SLC17A5: variants seen among roughly 807,000 people sequenced by gnomAD.
SLC17A5 encodes sialin.
SLC17A5 carries 47 observed loss-of-function variants against 59.4 expected under a neutral mutation model. That is an observed-to-expected ratio of 0.79 (90% CI 0.63 to 1.01). The LOEUF (loss-of-function observed/expected upper bound fraction) is 1.01, where lower values mean the gene tolerates loss of function less well. Among genes scored for constraint, SLC17A5 ranks in the 50% least tolerant of loss-of-function variants. The pLI is 0.00. For synonymous variants in SLC17A5, 202 were observed against 210.7 expected, an observed-to-expected ratio of 0.96 and a Z score of 0.36; for missense variants, 522 against 595.5, an observed-to-expected ratio of 0.88 and a Z score of 1.28.
At chr6:73,646,719 G>A (rs1290437814) in intron 1 of SLC17A5, among the ~76,000 whole-genome samples, 1 of 151,722 alleles carries the variant, frequency 6.6e-6, no homozygotes, top group Non-Finnish European at 1.5e-5. Flanking sequence ...TGTTGCCCAA[G>A]CTGGAGTACA....
intron 6 of SLC17A5, among the ~76,000 whole-genome samples, chr6:73,623,163 C>T (rs1458397283): frequency 4.0e-5 from 6 of 151,786 alleles, no homozygotes; most frequent in African/African-American, 9.7e-5. Context: ...CTCAGCCTCA[C>T]GAGTAGCTGG....
At position 73,594,885 on chromosome 6, in the gene SLC17A5, A is replaced by T. The variant is rs1766724274; in HGVS notation, c.*192T>A. The T allele has an allele frequency of 3.2e-6, 2 of 634,684 alleles. No homozygotes were observed. The highest frequency in any genetic ancestry group is 2.7e-6 in the Non-Finnish European group (1 of 370,782). The allele number at this position is 634,684 out of a possible 1,614,324, so 39.3% of individuals were successfully genotyped here. ...CTAAAGTAGAAGTCCTAGCTTACAT[A>T]TTATTCATAATTAAACACAGTTCAT... On this transcript the variant is annotated 3_prime_UTR_variant, in exon 11 of 11. Coordinates refer to ENST00000355773, the MANE Select transcript of SLC17A5 (RefSeq NM_012434.5).
At chr6:73,611,933 A>C (rs1254145739) in intron 8 of SLC17A5, among the ~76,000 whole-genome samples, 1 of 152,108 alleles carries the variant, frequency 6.6e-6, no homozygotes, top group Non-Finnish European at 1.5e-5. Context: ...CCCAGGCTCA[A>C]GTGATCCTCT....
chr6:73,620,289 C>T lies in SLC17A5; in HGVS notation c.978+1515G>A, dbSNP rs1440262096. Among the ~76,000 whole-genome samples, 4 of 152,094 alleles carry T rather than the reference C, an allele frequency of 2.6e-5. No homozygotes were observed. In the East Asian group the frequency reaches 7.7e-4, roughly 29 times the overall value. ...CCCAAATGATAATTACCAAATTAAC[C>T]TTTCAATGCACAGTTGAATGCAATT... On this transcript the variant is annotated intron_variant, in intron 7 of 10. Coordinates refer to ENST00000355773, the MANE Select transcript of SLC17A5 (RefSeq NM_012434.5).
intron 1 of SLC17A5, 138 bp from the exon 2 acceptor site, chr6:73,644,741 T>C (rs918824962): frequency 1.5e-5 from 11 of 744,008 alleles, no homozygotes; most frequent in Non-Finnish European, 2.2e-5. Context: ...CAAAGTGCTG[T>C]GATTATAGGC....
At chr6:73,602,442 A>C (rs1294546437) in intron 9 of SLC17A5, among the ~76,000 whole-genome samples, 2 of 133,276 alleles carry the variant, frequency 1.5e-5, no homozygotes, top group East Asian at 4.0e-4. Flanking sequence ...CAATAAAAAA[A>C]ATAAAAATTA....
chr6:73,613,003 T>C (rs1160634207), intron 8 of SLC17A5, among the ~76,000 whole-genome samples: 3 of 151,554 alleles, frequency 2.0e-5, no homozygotes, highest in Admixed American at 1.3e-4. Flanking sequence ...CAGTGAGCCA[T>C]GGTTGTCCAT....
At position 73,638,478 on chromosome 6, in the gene SLC17A5, G is replaced by T. The variant is rs1769128211; in HGVS notation, c.547C>A (p.His183Asn). The change falls in exon 4 of 11, where the codon CAT (histidine) becomes AAT (asparagine). Residue 183 changes from histidine to asparagine, a missense_variant. Physicochemically the swap from His to Asn is moderately conservative, Grantham distance 68. Transcript: ENST00000355773. ...LGEGVTFPAM[H>N]AMWSSWAPPL... ...GGAGCCCAAGAAGACCACATGGCATGCATGGCTGGAAATGTAACACCCTGA... is the reference window on the plus strand; with the variant it reads ...GGAGCCCAAGAAGACCACATGGCATTCATGGCTGGAAATGTAACACCCTGA... The T allele has an allele frequency of 6.2e-7, 1 of 1,613,712 alleles. No individual in the cohort carries two copies.
At chr6:73,640,409 A>C (rs1769225085) in intron 3 of SLC17A5, among the ~76,000 whole-genome samples, 1 of 152,244 alleles carries the variant, frequency 6.6e-6, no homozygotes, top group Admixed American at 6.5e-5. Context: ...ATCACATATG[A>C]ATTTTATATC....
chr6:73,643,756 C>T (rs1769410296), intron 2 of SLC17A5, among the ~76,000 whole-genome samples: 1 of 152,204 alleles, frequency 6.6e-6, no homozygotes, highest in Non-Finnish European at 1.5e-5. Flanking sequence ...GGATTACAGG[C>T]ATGAGTCACT....
intron 1 of SLC17A5, chr6:73,653,183 G>A (rs1204876986): frequency 1.0e-5 from 10 of 985,210 alleles, no homozygotes; most frequent in Non-Finnish European, 1.2e-5. Context: ...ATATCAGCTG[G>A]GTTATACAAT....
intron 3 of SLC17A5, 64 bp from the exon 4 acceptor site, chr6:73,638,563 A>G: frequency 7.9e-7 from 1 of 1,262,932 alleles, no homozygotes; most frequent in Non-Finnish European, 1.2e-6. Flanking sequence ...GCTTTAAAGT[A>G]AGTTAAGTAT....
rs75382775 is a variant in SLC17A5, at chr6:73,631,288, C to A, written c.819+4094G>T. ...AAAAGAAGAAGAAAAAGAAAAAAAA[C>A]CACTCCACAGTCATGTCTGAGCACA... On this transcript the variant is annotated intron_variant, in intron 6 of 10. Coordinates refer to ENST00000355773, the MANE Select transcript of SLC17A5 (RefSeq NM_012434.5). Among the ~76,000 whole-genome samples, 238 of 151,570 alleles carry A rather than the reference C, an allele frequency of 1.6e-3. 6 individuals carry two copies. Among genetic ancestry groups the A allele is most frequent in the African/African-American group, 5.5e-3 (226 of 41,030 alleles).
At chr6:73,651,703 C>T (rs1445839608) in intron 1 of SLC17A5, among the ~76,000 whole-genome samples, 2 of 151,508 alleles carry the variant, frequency 1.3e-5, no homozygotes, top group Non-Finnish European at 2.9e-5. Context: ...CCACCACACC[C>T]GGCTAATTTT....
chr6:73,600,599 C>T (rs1280164469), intron 9 of SLC17A5, among the ~76,000 whole-genome samples, 158 bp from the exon 10 acceptor site: 7 of 151,416 alleles, frequency 4.6e-5, no homozygotes, highest in Admixed American at 4.6e-4. Flanking sequence ...GCCTCTGCCT[C>T]CCGGGTTCAA....
intron 9 of SLC17A5, among the ~76,000 whole-genome samples, chr6:73,601,939 A>G (rs903426101): frequency 1.3e-5 from 2 of 151,640 alleles, no homozygotes; most frequent in East Asian, 2.0e-4. Flanking sequence ...TGGGAGGTGT[A>G]CCCAACAGCT....
intron 6 of SLC17A5, among the ~76,000 whole-genome samples, chr6:73,624,304 T>G (rs1464983716): frequency 1.3e-5 from 2 of 152,016 alleles, no homozygotes; most frequent in African/African-American, 4.8e-5. Context: ...GTTAAGAGTC[T>G]GAGGCATGAG....
chr6:73,613,112 C>T (rs1313858446), intron 8 of SLC17A5, among the ~76,000 whole-genome samples: 5 of 151,652 alleles, frequency 3.3e-5, no homozygotes, highest in Non-Finnish European at 7.4e-5. Context: ...TCTTTGAGTT[C>T]TTTGATTTAT....
chr6:73,619,653 TTTC>T (rs1175969749), intron 7 of SLC17A5, among the ~76,000 whole-genome samples: 7 of 109,014 alleles, frequency 6.4e-5, no homozygotes, highest in South Asian at 5.1e-4. Context: ...TCTATTCACA[TTTC>T]TTTTTATTTT....
Sources: allele counts gnomAD v4.1 joint callset (sites outside exome capture counted in the v4.1 genomes callset), GRCh38; gene constraint gnomAD v4.1.1; transcripts MANE v1.5; gene names NCBI Gene and HGNC (gene_info 2026-07-23, HGNC 2026-07-21).